Variants in SYT13 observed in about 807,000 individuals in gnomAD.
The protein encoded by SYT13 is synaptotagmin-13.
SYT13 carries 21 observed loss-of-function variants against 38.6 expected under a neutral mutation model. That is an observed-to-expected ratio of 0.54 (90% CI 0.39 to 0.78). The LOEUF (loss-of-function observed/expected upper bound fraction) is 0.78, where lower values mean the gene tolerates loss of function less well. Among genes scored for constraint, SYT13 ranks in the 30% least tolerant of loss-of-function variants. The pLI, the probability that SYT13 is intolerant of heterozygous loss-of-function variation, is 0.00. For synonymous variants in SYT13, 241 were observed against 237.6 expected (o/e 1.01, Z -0.13); for missense variants, 495 against 548.7 (o/e 0.90, Z 0.98).
rs1020491312 is a variant in SYT13, at chr11:45,243,069, C to T, written c.*983G>A. Reference sequence around the variant, plus strand: ...ACGCTGAGAAGGGACCGGTCTATCTCAGAGTCACTTTGGTGATGCTGGTGG... The same window carrying T: ...ACGCTGAGAAGGGACCGGTCTATCTTAGAGTCACTTTGGTGATGCTGGTGG... On this transcript the variant is annotated 3_prime_UTR_variant, in exon 6 of 6. Coordinates refer to ENST00000020926, the MANE Select transcript of SYT13 (RefSeq NM_020826.3). The T allele has an allele frequency of 6.6e-6, 1 of 152,198 alleles. No homozygotes were observed. Among genetic ancestry groups the T allele is most frequent in the Non-Finnish European group, 1.5e-5 (1 of 68,032 alleles). The allele number at this position is 152,198 out of a possible 1,614,324, so 9.4% of individuals were successfully genotyped here.
chr11:45,286,013 G>GC lies in SYT13; in HGVS notation c.183+11dup. The GC allele has an allele frequency of 6.2e-7, 1 of 1,601,990 alleles. No individual in the cohort carries two copies. Among genetic ancestry groups the GC allele is most frequent in the Non-Finnish European group, 8.5e-7 (1 of 1,178,372 alleles). ...CTTGCCCGGGAAGGGCCTGCGCGCC[G>GC]CCCCCGCTCACCTGTTGTGCAGACC... On this transcript the variant is annotated intron_variant, in intron 1 of 5. Coordinates refer to ENST00000020926, the MANE Select transcript of SYT13 (RefSeq NM_020826.3).
chr11:45,264,095 TGTGA>T (rs1362785660), intron 1 of SYT13, among the ~76,000 whole-genome samples: 25 of 152,140 alleles, frequency 1.6e-4, no homozygotes, highest in African/African-American at 5.8e-4. Flanking sequence ...TTTACTCATT[TGTGA>T]TAAATATAGA....
At position 45,244,235 on chromosome 11, in the gene SYT13, G is replaced by A. The variant is rs148147151; in HGVS notation, c.1098C>T (p.Asp366=). 5.1e-5 allele frequency: 83 copies of A among 1,614,058 alleles called. No individual in the cohort carries two copies. In the East Asian group the frequency reaches 1.0e-3, roughly 19 times the overall value. Residue 366 remains aspartate (D), a synonymous_variant, in exon 6 of 6, where the codon GAC becomes GAT. Transcript: ENST00000020926. The part of the protein sequence containing the change: ...WNEMIMFELP[D]DLLQASSVEL... The stretch of plus-strand genomic sequence containing the variant: ...CCACACTGGAGGCCTGCAGCAGGTC[G>A]TCAGGCAGCTCAAACATGATCATCT...
At chr11:45,250,367 C>A (rs535981674) in intron 4 of SYT13, among the ~76,000 whole-genome samples, 1 of 152,304 alleles carries the variant, frequency 6.6e-6, no homozygotes, top group Non-Finnish European at 1.5e-5. Context: ...TGGCACAGCG[C>A]CTGGCACATG....
At chr11:45,279,638 A>G (rs1481951858) in intron 1 of SYT13, among the ~76,000 whole-genome samples, 1 of 152,232 alleles carries the variant, frequency 6.6e-6, no homozygotes, top group African/African-American at 2.4e-5. Context: ...TGGCACATAT[A>G]AAGAACTTGA....
At chr11:45,284,720 G>T (rs79136310) in intron 1 of SYT13, among the ~76,000 whole-genome samples, 5,310 of 152,206 alleles carry the variant, frequency 0.035, 335 homozygotes, top group African/African-American at 0.12. Context: ...AGTGTGTTGG[G>T]CAGGAAAGAA....
chr11:45,255,766 C>T lies in SYT13; in HGVS notation c.309G>A (p.Arg103=), dbSNP rs747485891. 1.9e-6 allele frequency: 3 copies of T among 1,614,176 alleles called. No homozygotes were observed. The highest frequency in any genetic ancestry group is 2.2e-5 in the South Asian group (2 of 91,074). ...EVINYADYSL[R]STEEPTAPAS... ...CAGGTGCAGTGGGCTCCTCCGTAGA[C>T]CTCAGTGAATAGTCTGCATAGTTGA... Residue 103 remains arginine (R), a synonymous_variant, in exon 2 of 6, where the codon AGG becomes AGA. Transcript: ENST00000020926.
intron 1 of SYT13, among the ~76,000 whole-genome samples, chr11:45,281,136 C>T (rs890092044): frequency 1.3e-5 from 2 of 151,662 alleles, no homozygotes; most frequent in Non-Finnish European, 2.9e-5. Flanking sequence ...GCAGAGGTTG[C>T]AGTCAGCTGA....
At chr11:45,270,018 GCCACCCTA>G (rs1402239379) in intron 1 of SYT13, among the ~76,000 whole-genome samples, 1 of 152,128 alleles carries the variant, frequency 6.6e-6, no homozygotes, top group Non-Finnish European at 1.5e-5. Context: ...TTTCACTCCA[GCCACCCTA>G]CCCTTATTTT....
intron 4 of SYT13, among the ~76,000 whole-genome samples, chr11:45,251,386 TAAA>T (rs10649998): frequency 1.3e-5 from 1 of 75,350 alleles, no homozygotes. Flanking sequence ...AGACTCTGTC[TAAA>T]AAAAAAAAAA....
intron 1 of SYT13, among the ~76,000 whole-genome samples, chr11:45,277,372 A>G (rs1342634750): frequency 1.3e-5 from 2 of 152,260 alleles, no homozygotes; most frequent in South Asian, 2.1e-4. Context: ...GATTAATGTC[A>G]TGTGAATTTC....
intron 1 of SYT13, among the ~76,000 whole-genome samples, chr11:45,284,985 A>G (rs1855116980): frequency 6.6e-6 from 1 of 152,144 alleles, no homozygotes; most frequent in Non-Finnish European, 1.5e-5. Flanking sequence ...CTTTTGAATT[A>G]TTGATTGGAA....
At chr11:45,267,123 T>C (rs112682716) in intron 1 of SYT13, among the ~76,000 whole-genome samples, 294 of 152,342 alleles carry the variant, frequency 1.9e-3, no homozygotes, top group African/African-American at 6.7e-3. Flanking sequence ...ACGAGGACAC[T>C]GAGTCCGTAG....
chr11:45,256,372 TCC>T (rs1198353727), intron 1 of SYT13, among the ~76,000 whole-genome samples: 2 of 151,888 alleles, frequency 1.3e-5, no homozygotes, highest in African/African-American at 4.9e-5. Context: ...TTTGCTCATC[TCC>T]AGTCACTGAG....
At position 45,255,809 on chromosome 11, in the gene SYT13, A is replaced by G. The variant is rs1451213954; in HGVS notation, c.266T>C (p.Val89Ala). The G allele has an allele frequency of 5.6e-6, 9 of 1,614,188 alleles. No homozygotes were observed. Among genetic ancestry groups the G allele is most frequent in the Non-Finnish European group, 7.6e-6 (9 of 1,180,042 alleles). Residue 89 changes from valine to alanine, a missense_variant, in exon 2 of 6, where the codon GTG (valine) becomes GCG (alanine). Coordinates refer to ENST00000020926, the MANE Select transcript of SYT13 (RefSeq NM_020826.3). Reference sequence around the variant, plus strand: ...ATAGTTGATGACCTCTGGAGCCGTCACAGCTGGCCTGGGTCCATAGATGTC... The same window carrying G: ...ATAGTTGATGACCTCTGGAGCCGTCGCAGCTGGCCTGGGTCCATAGATGTC... ...FPDIYGPRPA[V>A]TAPEVINYAD... is the part of the protein sequence containing the mutation.
intron 1 of SYT13, among the ~76,000 whole-genome samples, chr11:45,266,680 T>G (rs1854885667): frequency 6.6e-6 from 1 of 152,208 alleles, no homozygotes; most frequent in Admixed American, 6.5e-5. Context: ...CGCTATCCTT[T>G]GAAGATAGCT....
chr11:45,244,256 C>T lies in SYT13; in HGVS notation c.1077G>A (p.Met359Ile), dbSNP rs766824644. Residue 359 changes from methionine (M) to isoleucine (I), a missense_variant, in exon 6 of 6, where the codon ATG (methionine) becomes ATA (isoleucine). Met to Ile is a conservative substitution (Grantham distance 10). Coordinates refer to ENST00000020926, the MANE Select transcript of SYT13 (RefSeq NM_020826.3). ...KHKINPVWNE[M>I]IMFELPDDLL... ...GGTCGTCAGGCAGCTCAAACATGAT[C>T]ATCTCGTTCCACACGGGGTTGATCT... The T allele has an allele frequency of 1.2e-6, 2 of 1,614,062 alleles. No homozygotes were observed. Among genetic ancestry groups the T allele is most frequent in the South Asian group, 1.1e-5 (1 of 91,076 alleles).
intron 4 of SYT13, 113 bp from the exon 5 acceptor site, chr11:45,246,625 G>C (rs1026964045): frequency 1.4e-6 from 2 of 1,442,166 alleles, no homozygotes; most frequent in Non-Finnish European, 1.8e-6. Context: ...ACGCATCCTT[G>C]AAACCATTTA....
At chr11:45,263,527 T>G (rs978227701) in intron 1 of SYT13, among the ~76,000 whole-genome samples, 1 of 151,972 alleles carries the variant, frequency 6.6e-6, no homozygotes, top group African/African-American at 2.4e-5. Flanking sequence ...AACTTGAACT[T>G]TAAAAAAGGG....
Sources: gnomAD v4.1 joint callset for allele counts (sites outside exome capture counted in the v4.1 genomes callset) on GRCh38, gnomAD v4.1.1 for gene constraint, MANE v1.5 for transcripts, NCBI Gene and HGNC (gene_info 2026-07-23, HGNC 2026-07-21) for gene names.